Variants in IP6K3 observed in about 807,000 individuals in gnomAD.
IP6K3 encodes the protein inositol hexakisphosphate kinase 3.
A neutral mutation model predicts 28.8 loss-of-function variants in IP6K3; 20 were observed. The observed-to-expected ratio is 0.70, with a 90% CI of 0.49 to 1.01. IP6K3 has a LOEUF of 1.01. Ranked by LOEUF, IP6K3 falls within the 50% of genes least tolerant of loss-of-function variation. The probability of loss-of-function intolerance (pLI) is 0.00; values close to 1 mark genes in which losing one functional copy is unlikely to be tolerated. For missense variants in IP6K3, 480 were observed against 537.1 expected (o/e 0.89, Z 1.05); for synonymous variants, 213 against 221.3 (o/e 0.96, Z 0.33).
At chr6:33,727,884 C>T (rs1332700351) in intron 3 of IP6K3, 7 of 985,332 alleles carry the variant, frequency 7.1e-6, no homozygotes, top group African/African-American at 1.7e-5. Flanking sequence ...TAAAATGCAT[C>T]GTAATCCTCC....
the IP6K3 span, among the ~76,000 whole-genome samples, chr6:33,752,387 A>C: frequency 6.6e-6 from 1 of 152,190 alleles, no homozygotes; most frequent in Non-Finnish European, 1.5e-5. Context: ...CCTGCCTTCC[A>C]GGCACGAGGG....
At chr6:33,757,188 C>T in the IP6K3 span, among the ~76,000 whole-genome samples, 1 of 152,180 alleles carries the variant, frequency 6.6e-6, no homozygotes, top group Non-Finnish European at 1.5e-5. Flanking sequence ...TCTGAGAGCC[C>T]CTCCTCCCTC....
intron 1 of IP6K3, among the ~76,000 whole-genome samples, 199 bp from the exon 2 acceptor site, chr6:33,735,854 C>G (rs1419706826): frequency 6.6e-6 from 1 of 152,118 alleles, no homozygotes; most frequent in Non-Finnish European, 1.5e-5. Context: ...CTCCATGGAG[C>G]AGGGATGAGA....
At position 33,725,567 on chromosome 6, in the gene IP6K3, GAC is replaced by G. The variant is rs1461108665; in HGVS notation, c.637_638del (p.Val213ProfsTer13). The G allele has an allele frequency of 3.1e-5, 50 of 1,614,056 alleles. No homozygotes were observed. The highest frequency in any genetic ancestry group is 4.2e-5 in the Non-Finnish European group (50 of 1,180,030). On this transcript the variant is annotated frameshift_variant, in exon 5 of 6. Coordinates refer to ENST00000293756, the MANE Select transcript of IP6K3 (RefSeq NM_054111.5). LOFTEE classifies it high-confidence loss of function. The stretch of plus-strand genomic sequence containing the variant: ...GCCGGGTCCCCATCTTCAGATCCAG[GAC>G]ACAGGGATGCGTGTACTGTGACACT... ...NVVSQYTHPC[V>X]LDLKMGTRQH... is the part of the protein sequence containing the mutation.
At chr6:33,749,107 A>G (rs1202656098), upstream of IP6K3, among the ~76,000 whole-genome samples, 2 of 151,980 alleles carry the variant, frequency 1.3e-5, no homozygotes, top group African/African-American at 2.4e-5. Context: ...GAACCACCAC[A>G]GGGATGAGCA....
At chr6:33,760,364 T>G in the IP6K3 span, among the ~76,000 whole-genome samples, 1 of 152,196 alleles carries the variant, frequency 6.6e-6, no homozygotes, top group African/African-American at 2.4e-5. Flanking sequence ...GGTGCAGGTT[T>G]GCATATATAG....
rs1766138466 is a variant in IP6K3, at chr6:33,726,890, G to A, written c.430C>T (p.Leu144=). The A allele has an allele frequency of 1.2e-6, 2 of 1,606,950 alleles. No homozygotes were observed. Among genetic ancestry groups the A allele is most frequent in the Non-Finnish European group, 1.7e-6 (2 of 1,174,484 alleles). Residue 144 remains leucine, a synonymous_variant, in exon 4 of 6, where the codon CTG becomes TTG. Coordinates refer to ENST00000293756, the MANE Select transcript of IP6K3 (RefSeq NM_054111.5). ...GTGTTGAGGTGGGGCTCGGACCTCA[G>A]AAGAGCCTTGGCCGGGCTGCGGCGG... ...SPKESPAKAL[L]RSEPHLNTPA...
the IP6K3 span, among the ~76,000 whole-genome samples, chr6:33,754,776 G>A: frequency 6.6e-6 from 1 of 152,196 alleles, no homozygotes; most frequent in African/African-American, 2.4e-5. Context: ...CTTGGAGCCT[G>A]GTGGCGAGAG....
chr6:33,732,855 T>C (rs1268224878), intron 2 of IP6K3, among the ~76,000 whole-genome samples: 1 of 152,202 alleles, frequency 6.6e-6, no homozygotes, highest in Non-Finnish European at 1.5e-5. Context: ...TCAGGGACTC[T>C]TCCCATCTAC....
In IP6K3 at chr6:33,734,224, A is replaced by G. The variant is rs796750428; in HGVS notation, c.199+1054T>C. On this transcript the variant is annotated intron_variant, in intron 2 of 5. Transcript: ENST00000293756. ...GTCTCAAAAAAAAAAAAAAAAAAAA[A>G]AGAGAATTCCTGACCCTCACCCCAA... Among the ~76,000 whole-genome samples the G allele has an allele frequency of 5.6e-3, 674 of 120,550 alleles. 8 individuals are homozygous for G. Among genetic ancestry groups the G allele is most frequent in the African/African-American group, 0.018 (588 of 32,586 alleles). The allele number at this position is 120,550 out of a possible 152,430, so 79.1% of individuals were successfully genotyped here. A position where few individuals can be genotyped will look rare whatever the true frequency, so the allele number is the denominator to read the frequency against.
intron 2 of IP6K3, among the ~76,000 whole-genome samples, chr6:33,734,557 G>A (rs999292984): frequency 2.0e-5 from 3 of 152,282 alleles, no homozygotes; most frequent in South Asian, 2.1e-4. Flanking sequence ...CTGCTGGGCC[G>A]GCTGCCTGGC....
At chr6:33,745,528 G>A (rs1766876155) in intron 1 of IP6K3, among the ~76,000 whole-genome samples, 1 of 152,174 alleles carries the variant, frequency 6.6e-6, no homozygotes, top group Non-Finnish European at 1.5e-5. Flanking sequence ...CCCCCCCTTT[G>A]ATTCAGCAAG....
chr6:33,727,172 A>C lies in IP6K3; in HGVS notation c.414-266T>G, dbSNP rs558904968. ...CCCCCTTAGAGGGCTGAGGTGATTT[A>C]AACTCACTTGTAAGTGATCTGGATT... On this transcript the variant is annotated intron_variant, in intron 3 of 5. Coordinates refer to ENST00000293756, the MANE Select transcript of IP6K3 (RefSeq NM_054111.5). 4.6e-5 allele frequency among the ~76,000 whole-genome samples: 7 copies of C among 152,292 alleles called. No individual in the cohort carries two copies. The South Asian group carries it at 1.5e-3, about 32-fold the overall frequency.
chr6:33,735,202 G>T, intron 2 of IP6K3, 76 bp downstream of exon 2: 1 of 1,236,642 alleles, frequency 8.1e-7, no homozygotes, highest in Non-Finnish European at 1.2e-6. Flanking sequence ...ACCACAGGAG[G>T]ACGTGGTGGG....
chr6:33,726,330 A>G (rs1419315733), intron 4 of IP6K3, among the ~76,000 whole-genome samples: 2 of 152,092 alleles, frequency 1.3e-5, no homozygotes. Flanking sequence ...GGAGGGATGG[A>G]AGGGAGGTTG....
Position 33,726,930 on chromosome 6 carries a change from C to T in IP6K3, c.414-24G>A, listed in dbSNP as rs747422148. 1.6e-5 allele frequency: 25 copies of T among 1,576,478 alleles called. No homozygotes were observed. In the East Asian group the frequency reaches 4.3e-4, roughly 27 times the overall value. On this transcript the variant is annotated intron_variant, in intron 3 of 5. Coordinates refer to ENST00000293756, the MANE Select transcript of IP6K3 (RefSeq NM_054111.5). ...GGCTGCGGCGGAGTGGAGCACAGGA[C>T]GGTCAGAGCAGAGGTCTGGGGAAGG... is the stretch of plus-strand genomic sequence containing the variant.
At chr6:33,726,683 C>T (rs1321561272) in intron 4 of IP6K3, 48 bp downstream of exon 4, 8 of 1,510,744 alleles carry the variant, frequency 5.3e-6, no homozygotes, top group Non-Finnish European at 7.2e-6. Context: ...CTGTGTCTCT[C>T]TGTCGCCCCG....
At chr6:33,732,788 G>A (rs368348977) in intron 2 of IP6K3, among the ~76,000 whole-genome samples, 2 of 152,226 alleles carry the variant, frequency 1.3e-5, no homozygotes, top group Non-Finnish European at 2.9e-5. Flanking sequence ...CAGCAGACAC[G>A]GAGGTTTAGC....
intron 3 of IP6K3, 159 bp downstream of exon 3, chr6:33,727,928 T>C (rs1296866567): frequency 1.0e-6 from 1 of 985,332 alleles, no homozygotes; most frequent in Non-Finnish European, 1.2e-6. Flanking sequence ...ATCCATTCCT[T>C]TCTTTGGTCA....
Sources: gnomAD v4.1 joint callset for allele counts (sites outside exome capture counted in the v4.1 genomes callset) on GRCh38, gnomAD v4.1.1 for gene constraint, MANE v1.5 for transcripts, NCBI Gene and HGNC (gene_info 2026-07-23, HGNC 2026-07-21) for gene names.